The following ACAP3 variants were observed in gnomAD, a reference collection of about 807,000 sequenced individuals.
ACAP3 encodes arf-GAP with coiled-coil, ANK repeat and PH domain-containing protein 3.
A neutral mutation model predicts 104.1 loss-of-function variants in ACAP3; 56 were observed. The ratio of observed to expected loss-of-function variants is 0.54; its 90% confidence interval spans 0.43 to 0.67. ACAP3 has a LOEUF of 0.67. ACAP3 is among the 30% of genes least tolerant of loss of function. ACAP3 has a pLI of 0.00. For synonymous variants in ACAP3, 628 were observed against 496.2 expected (o/e 1.27, Z -3.53); for missense variants, 1,208 against 1,174.9 (o/e 1.03, Z -0.41).
Position 1,303,744 on chromosome 1 carries a change from T to C in ACAP3, c.105+342A>G, listed in dbSNP as rs1570661403. 5.9e-6 allele frequency: 2 copies of C among 337,008 alleles called. No individual in the cohort carries two copies. Among genetic ancestry groups the C allele is most frequent in the South Asian group, 5.8e-5 (2 of 34,634 alleles). 20.9% of individuals were successfully genotyped at this position (337,008 alleles called of 1,614,324 possible). On this transcript the variant is annotated intron_variant, in intron 2 of 23. Transcript: ENST00000354700. This position sits in a 1 kb window ranked among gnomAD's most constrained non-coding sequence, Gnocchi z 4.0. The stretch of plus-strand genomic sequence containing the variant: ...CTCCACGGCCTGTTGCCCCCTCCCC[T>C]TTCTCAGCCCCAGCCCCAGCCACAC...
Position 1,296,504 on chromosome 1 carries a change from C to T in ACAP3, c.1258G>A (p.Asp420Asn), listed in dbSNP as rs1472049312. ...QSVAGNSQCG[D>N]CGQPDPRWAS... Reference sequence around the variant, plus strand: ...CAGCGGGGGTCCGGCTGGCCGCAGTCGCCGCACTGGCTGTTGCCGGCCACA... The same window carrying T: ...CAGCGGGGGTCCGGCTGGCCGCAGTTGCCGCACTGGCTGTTGCCGGCCACA... Residue 420 changes from aspartate to asparagine, a missense_variant, in exon 15 of 24, where the codon GAC (aspartate) becomes AAC (asparagine). By Grantham distance (23) the Asp-to-Asn change is conservative. Transcript: ENST00000354700. 1.3e-6 allele frequency: 2 copies of T among 1,541,822 alleles called. No individual in the cohort carries two copies. Among genetic ancestry groups the T allele is most frequent in the Non-Finnish European group, 8.7e-7 (1 of 1,146,746 alleles).
Position 1,302,992 on chromosome 1 carries a change from G to C in ACAP3, c.226-17C>G, listed in dbSNP as rs1401586520. ...CAGACATTCCTGGAGGAGCAGATGGGAACCCGTGCTGAGATGGCAAATCCG... is the reference window on the plus strand; with the variant it reads ...CAGACATTCCTGGAGGAGCAGATGGCAACCCGTGCTGAGATGGCAAATCCG... On this transcript the variant is annotated splice_polypyrimidine_tract_variant and intron_variant, in intron 3 of 23. Coordinates refer to ENST00000354700, the MANE Select transcript of ACAP3 (RefSeq NM_030649.3). The C allele has an allele frequency of 6.2e-7, 1 of 1,607,102 alleles. No homozygotes were observed. The highest frequency in any genetic ancestry group is 2.2e-5 in the East Asian group (1 of 44,610).
rs1641130368 is a variant in ACAP3, at chr1:1,296,076, G to A, written c.1441C>T (p.Gln481Ter). The A allele has an allele frequency of 6.2e-7, 1 of 1,612,684 alleles. No homozygotes were observed. Among genetic ancestry groups the A allele is most frequent in the African/African-American group, 1.3e-5 (1 of 74,928 alleles). The change falls in exon 17 of 24, where the codon CAG (glutamine) becomes TAG (stop). Residue 481 changes from glutamine (Q) to a stop codon, truncating the protein, a stop_gained. Coordinates refer to ENST00000354700, the MANE Select transcript of ACAP3 (RefSeq NM_030649.3). LOFTEE classifies it high-confidence loss of function. Reference sequence around the variant, plus strand: ...CCCTCACACTGGGCCTCATAGATCTGATTCACAGCGCTGTTTCCAAGCTCA... The same window carrying A: ...CCCTCACACTGGGCCTCATAGATCTAATTCACAGCGCTGTTTCCAAGCTCA... Reference protein sequence around the residue: ...MCELGNSAVNQIYEAQCEGAG... With the variant: ...MCELGNSAVN
chr1:1,294,224 G>T, intron 21 of ACAP3, 25 bp from the exon 22 acceptor site: 1 of 1,558,582 alleles, frequency 6.4e-7, no homozygotes, highest in East Asian at 2.4e-5. Context: ...CAACTCAGAC[G>T]GAGCCACGGC....
intron 4 of ACAP3, 119 bp from the exon 5 acceptor site, chr1:1,302,165 A>C: frequency 6.7e-6 from 6 of 897,442 alleles, no homozygotes; most frequent in Non-Finnish European, 9.3e-6. Context: ...GGCGGGTCCC[A>C]CCCTGCAGGG....
rs751562966 is a variant in ACAP3, at chr1:1,295,948, G to C, written c.1503-10C>G. The C allele has an allele frequency of 3.1e-6, 5 of 1,612,492 alleles. No individual in the cohort carries two copies. In the African/African-American group the frequency reaches 4.0e-5, roughly 13 times the overall value. ...GGCCTCCTTGTCCTGCCTGGACCAG[G>C]GGGGAACATGAGGCTGTGCCCCCAG... On this transcript the variant is annotated splice_polypyrimidine_tract_variant and intron_variant, in intron 17 of 23. Transcript: ENST00000354700.
In ACAP3 at chr1:1,293,720, C is replaced by A. The variant is rs528978444; in HGVS notation, c.2361-12G>T. 2.8e-6 allele frequency: 4 copies of A among 1,425,142 alleles called. No individual in the cohort carries two copies. The highest frequency in any genetic ancestry group is 5.7e-5 in the Admixed American group (2 of 35,092). 88.3% of individuals were successfully genotyped at this position (1,425,142 alleles called of 1,614,324 possible). On this transcript the variant is annotated splice_polypyrimidine_tract_variant and intron_variant, in intron 23 of 23. Coordinates refer to ENST00000354700, the MANE Select transcript of ACAP3 (RefSeq NM_030649.3). ...GCGCCAGACGGAGCCTACGGGGAGG[C>A]ACAGCGTGAGACGCCCCTGCCCTGG...
At chr1:1,299,693 G>C in intron 9 of ACAP3, 138 bp downstream of exon 9, 1 of 1,044,250 alleles carries the variant, frequency 9.6e-7, no homozygotes. Flanking sequence ...AGCAGCCTTG[G>C]TCCCCTAGAG....
rs1341647247 is a variant in ACAP3, at chr1:1,293,854, C to G, written c.2329G>C (p.Val777Leu). ...ACGATGTCAGCGTTGGCCGCCTGCA[C>G]TGCGATGGCCAACGGGTCCCGCTGC... ...QEQRDPLAIA[V>L]QAANADIVTL... is the part of the protein sequence containing the mutation. The change falls in exon 23 of 24, where the codon GTG becomes CTG. Residue 777 changes from valine to leucine, a missense_variant. Physicochemically the swap from Val to Leu is conservative, Grantham distance 32. Transcript: ENST00000354700. The G allele has an allele frequency of 1.3e-6, 2 of 1,583,486 alleles. No individual in the cohort carries two copies. Among genetic ancestry groups the G allele is most frequent in the East Asian group, 4.7e-5 (2 of 42,370 alleles).
At chr1:1,307,148 T>G (rs1218565037) in intron 1 of ACAP3, 1 of 1,268,156 alleles carries the variant, frequency 7.9e-7, no homozygotes, top group Admixed American at 2.3e-5. Context: ...TGCACACTTG[T>G]GCACACGTCT....
chr1:1,299,706 G>T, intron 9 of ACAP3, 125 bp downstream of exon 9: 1 of 1,143,242 alleles, frequency 8.7e-7, no homozygotes, highest in Non-Finnish European at 1.2e-6. Context: ...CCCTAGAGAG[G>T]GTGTGGGCAG....
At chr1:1,302,825 C>T (rs1035629692) in intron 4 of ACAP3, 97 bp downstream of exon 4, 7 of 396,802 alleles carry the variant, frequency 1.8e-5, no homozygotes, top group Non-Finnish European at 2.8e-5. Context: ...GGAGCAGAAA[C>T]GTGCCCCCCC....
rs551079191 is a variant in ACAP3, at chr1:1,302,802, C to T, written c.279+120G>A. 2.0e-4 allele frequency: 63 copies of T among 312,676 alleles called. 1 individual carries two copies. The highest frequency in any genetic ancestry group is 1.4e-3 in the African/African-American group (57 of 39,528). 19.4% of individuals were successfully genotyped at this position (312,676 alleles called of 1,614,324 possible). ...GACTTGAAAATGTGGGATTCCCCCC[C>T]CCCCCGACTAGAGGAGCAGAAACGT... On this transcript the variant is annotated intron_variant, in intron 4 of 23. Transcript: ENST00000354700.
At chr1:1,296,139 G>C in intron 16 of ACAP3, 30 bp from the exon 17 acceptor site, 3 of 1,611,632 alleles carry the variant, frequency 1.9e-6, no homozygotes, top group Non-Finnish European at 2.5e-6. Flanking sequence ...GCAGGCATCA[G>C]TGCGAACCTG....
At chr1:1,299,277 G>A (rs1403131965) in intron 10 of ACAP3, 68 bp downstream of exon 10, 15 of 1,557,272 alleles carry the variant, frequency 9.6e-6, no homozygotes, top group African/African-American at 4.1e-5. Flanking sequence ...TGGGGTAGAG[G>A]AGGGAAAGGC....
At chr1:1,305,047 C>G (rs1425569670) in intron 1 of ACAP3, 1 of 152,350 alleles carries the variant, frequency 6.6e-6, no homozygotes, top group Non-Finnish European at 1.5e-5. Flanking sequence ...GCCATCAGGG[C>G]CTACAGTCCC....
Position 1,296,263 on chromosome 1 carries a change from C to T in ACAP3, c.1355G>A (p.Cys452Tyr), listed in dbSNP as rs773994190. The T allele has an allele frequency of 2.6e-6, 4 of 1,559,680 alleles. No individual in the cohort carries two copies. The highest frequency in any genetic ancestry group is 1.9e-5 in the Admixed American group (1 of 52,010). Residue 452 changes from cysteine to tyrosine, a missense_variant, in exon 16 of 24, where the codon TGC becomes TAC. Coordinates refer to ENST00000354700, the MANE Select transcript of ACAP3 (RefSeq NM_030649.3). The part of the protein sequence containing the change: ...SGIHRSLGVH[C>Y]SKVRSLTLDS... ...CAGCGTCAGGGACCGCACCTTGGAG[C>T]AGTGGACACCCAGGCTCCTGGAGAG... is the stretch of plus-strand genomic sequence containing the variant.
In ACAP3 at chr1:1,295,540, G is replaced by A. The variant is rs868583747; in HGVS notation, c.1720C>T (p.Arg574Cys). 6.8e-6 allele frequency: 11 copies of A among 1,612,440 alleles called. No individual in the cohort carries two copies. The highest frequency in any genetic ancestry group is 2.2e-5 in the East Asian group (1 of 44,874). Residue 574 changes from arginine to cysteine, a missense_variant, in exon 19 of 24, where the codon CGT (arginine) becomes TGT (cysteine). Physicochemically the swap from Arg to Cys is radical, Grantham distance 180. Transcript: ENST00000354700. ...AAGAGGGAGTCTCGGCGGAACTTACGATCCAGGGTGCCCACTGCAGGGGCA... is the reference window on the plus strand; with the variant it reads ...AAGAGGGAGTCTCGGCGGAACTTACAATCCAGGGTGCCCACTGCAGGGGCA... ...AALSSVGTLD[R>C]KFRRDSLFCP...
chr1:1,296,887 G>A (rs144650097), intron 14 of ACAP3, among the ~76,000 whole-genome samples: 115 of 151,668 alleles, frequency 7.6e-4, no homozygotes, highest in African/African-American at 2.6e-3. Context: ...ACGCACGTAC[G>A]TGTGCACACC....
Sources: allele counts gnomAD v4.1 joint callset (sites outside exome capture counted in the v4.1 genomes callset), GRCh38; gene constraint gnomAD v4.1.1; non-coding constraint Gnocchi (gnomAD v3.1); transcripts MANE v1.5; gene names NCBI Gene and HGNC (gene_info 2026-07-23, HGNC 2026-07-21).